KNTC1: variants seen among roughly 807,000 people sequenced by gnomAD.
The protein encoded by KNTC1 is kinetochore-associated protein 1.
A neutral mutation model predicts 314.4 loss-of-function variants in KNTC1; 253 were observed. The ratio of observed to expected loss-of-function variants is 0.80; its 90% confidence interval spans 0.73 to 0.89. The LOEUF is 0.89. KNTC1 is among the 40% of genes least tolerant of loss of function. KNTC1 has a pLI of 0.00. For synonymous variants in KNTC1, 901 were observed against 901.4 expected, an observed-to-expected ratio of 1.00 and a Z score of 0.01; for missense variants, 2,475 against 2,572.9, an observed-to-expected ratio of 0.96 and a Z score of 0.82.
At chr12:122,624,227 G>T (rs1027052783) in intron 62 of KNTC1, among the ~76,000 whole-genome samples, 4 of 151,978 alleles carry the variant, frequency 2.6e-5, no homozygotes, top group African/African-American at 9.7e-5. Flanking sequence ...TTCAGAGATT[G>T]GTCTTTACAT....
At chr12:122,616,774 A>G (rs1223767118) in intron 57 of KNTC1, among the ~76,000 whole-genome samples, 3 of 152,202 alleles carry the variant, frequency 2.0e-5, no homozygotes, top group Non-Finnish European at 4.4e-5. Flanking sequence ...CTTTTAAAAT[A>G]CACAATGAAG....
intron 22 of KNTC1, 108 bp from the exon 23 acceptor site, chr12:122,570,768 G>A: frequency 1.3e-6 from 1 of 785,368 alleles, no homozygotes; most frequent in Non-Finnish European, 2.1e-6. Context: ...TGGATAAGAG[G>A]TTTATGGACA....
At chr12:122,613,069 A>G (rs376265521) in intron 53 of KNTC1, 43 bp from the exon 54 acceptor site, 17 of 988,710 alleles carry the variant, frequency 1.7e-5, no homozygotes, top group Non-Finnish European at 2.7e-5. Flanking sequence ...CCCAACTACA[A>G]TGTGCAGGTG....
chr12:122,607,648 C>T (rs1334015863), intron 51 of KNTC1, among the ~76,000 whole-genome samples: 2 of 152,156 alleles, frequency 1.3e-5, no homozygotes, highest in Non-Finnish European at 2.9e-5. Flanking sequence ...TGTTTCTCTA[C>T]TCCATAATTA....
intron 6 of KNTC1, 137 bp downstream of exon 6, chr12:122,542,264 T>C (rs1426301177): frequency 1.7e-6 from 1 of 591,630 alleles, no homozygotes; most frequent in East Asian, 3.5e-5. Flanking sequence ...GGTATACTGT[T>C]AAGTATTCAG....
intron 13 of KNTC1, among the ~76,000 whole-genome samples, chr12:122,550,300 C>T (rs1963104967): frequency 6.6e-6 from 1 of 152,086 alleles, no homozygotes; most frequent in Non-Finnish European, 1.5e-5. Flanking sequence ...ACGCCTAAAT[C>T]TTCAGCAGGT....
chr12:122,565,395 C>A (rs1279029900), intron 20 of KNTC1, among the ~76,000 whole-genome samples: 1 of 151,978 alleles, frequency 6.6e-6, no homozygotes, highest in Non-Finnish European at 1.5e-5. Context: ...GCTGGGATTA[C>A]TGGCATGAGC....
intron 32 of KNTC1, 128 bp downstream of exon 32, chr12:122,580,105 C>T: frequency 1.6e-6 from 1 of 639,674 alleles, no homozygotes. Context: ...ATTGATCTTA[C>T]CCATTTTGCT....
intron 22 of KNTC1, 82 bp from the exon 23 acceptor site, chr12:122,570,794 G>T (rs1964634020): frequency 2.1e-6 from 2 of 950,332 alleles, no homozygotes; most frequent in Non-Finnish European, 3.2e-6. Context: ...AATATTTAAA[G>T]GAAAAAAAAG....
At chr12:122,542,822 C>T (rs890933601) in intron 6 of KNTC1, among the ~76,000 whole-genome samples, 15 of 152,076 alleles carry the variant, frequency 9.9e-5, no homozygotes, top group Non-Finnish European at 2.1e-4. Flanking sequence ...AGCTAGTAGT[C>T]TGGACCATTT....
In KNTC1 at chr12:122,604,600, A is replaced by G; in HGVS notation, c.5138A>G (p.Tyr1713Cys). 6.3e-7 allele frequency: 1 copy of G among 1,592,450 alleles called. No individual in the cohort carries two copies. Among genetic ancestry groups the G allele is most frequent in the Non-Finnish European group, 8.6e-7 (1 of 1,161,532 alleles). Reference sequence around the variant, plus strand: ...ATATCTGCTTTGAAATTCTGCCTTTATTTAGCTGAGAGATGGCTACAGAAT... The same window carrying G: ...ATATCTGCTTTGAAATTCTGCCTTTGTTTAGCTGAGAGATGGCTACAGAAT... ...FKISALKFCL[Y>C]LAERWLQNIP... Residue 1713 changes from tyrosine (Y) to cysteine (C), a missense_variant, in exon 49 of 64, where the codon TAT becomes TGT. Coordinates refer to ENST00000333479, the MANE Select transcript of KNTC1 (RefSeq NM_014708.6).
intron 37 of KNTC1, among the ~76,000 whole-genome samples, chr12:122,586,034 G>T (rs1375760275): frequency 1.3e-5 from 2 of 151,800 alleles, no homozygotes; most frequent in African/African-American, 2.4e-5. Context: ...AAAGGAGGGA[G>T]CTGGGGAGCT....
intron 17 of KNTC1, 29 bp from the exon 18 acceptor site, chr12:122,557,571 C>G: frequency 6.2e-7 from 1 of 1,611,520 alleles, no homozygotes. Context: ...CATTAGGTTG[C>G]CTTACTGTGT....
In KNTC1 at chr12:122,593,266, C is replaced by CTT. The variant is rs369511482; in HGVS notation, c.4246-995_4246-994dup. On this transcript the variant is annotated intron_variant, in intron 42 of 63. Coordinates refer to ENST00000333479, the MANE Select transcript of KNTC1 (RefSeq NM_014708.6). Reference sequence around the variant, plus strand: ...GGCCTTTATTTTTCTTTCTTTTTTTCTTTTTTTTTTTTTTTTGAGACAGAG... The same window carrying CTT: ...GGCCTTTATTTTTCTTTCTTTTTTTCTTTTTTTTTTTTTTTTTTGAGACAGAG... 86 of 139,288 alleles carry CTT rather than the reference C, an allele frequency of 6.2e-4. 1 individual carries two copies. Among genetic ancestry groups the CTT allele is most frequent in the South Asian group, 1.1e-3 (5 of 4,356 alleles). 8.6% of individuals were successfully genotyped at this position (139,288 alleles called of 1,614,324 possible).
intron 42 of KNTC1, chr12:122,593,968 A>T (rs780482762): frequency 4.3e-4 from 129 of 299,358 alleles, no homozygotes; most frequent in Non-Finnish European, 7.0e-4. Context: ...GGTAATCAGT[A>T]CAGAAATGCT....
chr12:122,544,796 A>T (rs533328552), intron 8 of KNTC1, among the ~76,000 whole-genome samples: 51 of 152,318 alleles, frequency 3.3e-4, no homozygotes, highest in African/African-American at 1.2e-3. Context: ...GAAAATAAAG[A>T]TGTAAATTTT....
intron 29 of KNTC1, among the ~76,000 whole-genome samples, chr12:122,576,443 G>A (rs1392908844): frequency 6.6e-6 from 1 of 152,174 alleles, no homozygotes; most frequent in Non-Finnish European, 1.5e-5. Flanking sequence ...CACTTTGGGA[G>A]GCCAAGGTGG....
intron 37 of KNTC1, 143 bp downstream of exon 37, chr12:122,585,917 G>C (rs1386261222): frequency 9.7e-6 from 7 of 721,702 alleles, no homozygotes; most frequent in Non-Finnish European, 1.6e-5. Context: ...AGATACAAAA[G>C]AATAAATACT....
At chr12:122,528,978 G>A (rs1961075181) in intron 1 of KNTC1, among the ~76,000 whole-genome samples, 1 of 152,092 alleles carries the variant, frequency 6.6e-6, no homozygotes, top group South Asian at 2.1e-4. Flanking sequence ...GAGTAGCTGG[G>A]ATTACAGGCG....
Sources: allele counts gnomAD v4.1 joint callset (sites outside exome capture counted in the v4.1 genomes callset), GRCh38; gene constraint gnomAD v4.1.1; transcripts MANE v1.5; gene names NCBI Gene and HGNC (gene_info 2026-07-23, HGNC 2026-07-21).